Variants in CDH18 observed in about 807,000 individuals in gnomAD.
The protein encoded by CDH18 is cadherin 18.
Under a neutral mutation model 67.9 loss-of-function variants are expected in CDH18, and 31 were observed. The ratio of observed to expected loss-of-function variants is 0.46; its 90% CI spans 0.34 to 0.62. The LOEUF is 0.62. CDH18 is among the 20% of genes least tolerant of loss of function. The pLI is 0.01. For missense variants in CDH18, 890 were observed against 975.5 expected, an observed-to-expected ratio of 0.91 and a Z score of 1.17; for synonymous variants, 362 against 347.2, an observed-to-expected ratio of 1.04 and a Z score of -0.48.
At chr5:19,688,541 G>A (rs149179530) in intron 5 of CDH18, among the ~76,000 whole-genome samples, 1 of 152,192 alleles carries the variant, frequency 6.6e-6, no homozygotes, top group African/African-American at 2.4e-5. Context: ...TTATAAAAAA[G>A]TCTTCCTCTA....
rs138729794 is a variant in CDH18, at chr5:20,553,298, G to A, written c.-580+22164C>T. The stretch of plus-strand genomic sequence containing the variant: ...TAATATTTATTATTTTTGGTGCTAC[G>A]TAGTCTTTCTTAACATCATAATTGT... On this transcript the variant is annotated intron_variant, in intron 1 of 14. Coordinates refer to the CDH18 transcript ENST00000507958. Among the ~76,000 whole-genome samples, 165 of 152,078 alleles carry A rather than the reference G, an allele frequency of 1.1e-3. 1 individual carries two copies. The highest frequency in any genetic ancestry group is 2.8e-3 in the African/African-American group (118 of 41,504).
At chr5:20,375,435 A>T (rs1479436669) in intron 1 of CDH18, among the ~76,000 whole-genome samples, 1 of 152,170 alleles carries the variant, frequency 6.6e-6, no homozygotes, top group Non-Finnish European at 1.5e-5. Flanking sequence ...ACTCTCTTAA[A>T]CAAGTATCAC....
intron 1 of CDH18, among the ~76,000 whole-genome samples, chr5:20,532,228 G>A (rs946178844): frequency 6.6e-6 from 1 of 152,060 alleles, no homozygotes; most frequent in Non-Finnish European, 1.5e-5. Flanking sequence ...TATCCAAAAT[G>A]TGTGTATTTC....
chr5:19,943,198 T>C (rs1027790985), intron 2 of CDH18, among the ~76,000 whole-genome samples: 1 of 152,038 alleles, frequency 6.6e-6, no homozygotes, highest in Non-Finnish European at 1.5e-5. Context: ...TTGTTGTTGT[T>C]TGGGGGGGTA....
At chr5:19,756,865 T>C (rs977911385) in intron 3 of CDH18, among the ~76,000 whole-genome samples, 2 of 152,226 alleles carry the variant, frequency 1.3e-5, no homozygotes, top group African/African-American at 4.8e-5. Flanking sequence ...CTTATGCTTC[T>C]ATTCCTTGAT....
At chr5:20,383,810 A>G (rs72745074) in intron 1 of CDH18, among the ~76,000 whole-genome samples, 23,731 of 152,106 alleles carry the variant, frequency 0.16, 2,358 homozygotes, top group East Asian at 0.3. Context: ...TAATACGAAA[A>G]TGTATAACTA....
In CDH18 at chr5:19,747,982, G is replaced by A. The variant is rs372701190; in HGVS notation, c.229-746C>T. Among the ~76,000 whole-genome samples, 209 of 150,106 alleles carry A rather than the reference G, an allele frequency of 1.4e-3. 1 individual carries two copies. Among genetic ancestry groups the A allele is most frequent in the Admixed American group, 5.0e-3 (75 of 15,092 alleles). On this transcript the variant is annotated intron_variant, in intron 3 of 12. Coordinates refer to ENST00000382275, the MANE Select transcript of CDH18 (RefSeq NM_004934.5). The stretch of plus-strand genomic sequence containing the variant: ...AAAAAAACTAGCCGGGCGTGGTGGC[G>A]GGCGCCTGTAGTCCCAGCTACTCGG...
intron 2 of CDH18, among the ~76,000 whole-genome samples, chr5:20,221,480 G>T (rs1273546898): frequency 6.6e-6 from 1 of 152,056 alleles, no homozygotes; most frequent in Non-Finnish European, 1.5e-5. Context: ...TGTAGCGCGG[G>T]GTTGGGGGAG....
intron 2 of CDH18, among the ~76,000 whole-genome samples, chr5:20,169,306 C>CA (rs1449854234): frequency 6.6e-6 from 1 of 151,964 alleles, no homozygotes; most frequent in Non-Finnish European, 1.5e-5. Context: ...TAAAAAATAA[C>CA]AGACACCACT....
Position 19,473,108 on chromosome 5 carries a change from G to A in CDH18, c.*118C>T. On this transcript the variant is annotated 3_prime_UTR_variant, in exon 13 of 13. Coordinates refer to ENST00000382275, the MANE Select transcript of CDH18 (RefSeq NM_004934.5). The stretch of plus-strand genomic sequence containing the variant: ...GAAAAGGGCACTTGTTTCTACAGGA[G>A]CTGTGTCCAGCTTCCTCAGTTCCAA... 1 of 1,207,232 alleles carries A rather than the reference G, an allele frequency of 8.3e-7. No homozygotes were observed. 74.8% of individuals were successfully genotyped at this position (1,207,232 alleles called of 1,614,324 possible). A position where few individuals can be genotyped will look rare whatever the true frequency, so the allele number is the denominator to read the frequency against.
At chr5:19,782,030 G>C (rs1775169636) in intron 3 of CDH18, among the ~76,000 whole-genome samples, 1 of 152,008 alleles carries the variant, frequency 6.6e-6, no homozygotes, top group Non-Finnish European at 1.5e-5. Flanking sequence ...ACTAACATGG[G>C]ATATAATAGG....
At chr5:19,924,599 C>A (rs1792889980) in intron 2 of CDH18, among the ~76,000 whole-genome samples, 1 of 152,130 alleles carries the variant, frequency 6.6e-6, no homozygotes, top group African/African-American at 2.4e-5. Context: ...GCACTCCAGC[C>A]TGGGCGAAAG....
chr5:19,830,657 C>G (rs917214758), intron 3 of CDH18, among the ~76,000 whole-genome samples: 3 of 152,024 alleles, frequency 2.0e-5, no homozygotes, highest in African/African-American at 7.2e-5. Flanking sequence ...AGGAGAGGTA[C>G]CATTTCACCC....
intron 1 of CDH18, among the ~76,000 whole-genome samples, chr5:20,329,627 G>A (rs769176930): frequency 5.9e-5 from 9 of 151,856 alleles, no homozygotes; most frequent in South Asian, 2.1e-4. Flanking sequence ...AAAATTAGCC[G>A]GACGTGGTGG....
intron 3 of CDH18, among the ~76,000 whole-genome samples, chr5:19,783,447 C>G (rs2149788710): frequency 6.6e-6 from 1 of 152,206 alleles, no homozygotes; most frequent in South Asian, 2.1e-4. Flanking sequence ...TTTCTGCTTT[C>G]AAACATCAAA....
chr5:19,670,817 T>C (rs1404066728), intron 5 of CDH18, among the ~76,000 whole-genome samples: 1 of 151,866 alleles, frequency 6.6e-6, no homozygotes, highest in Non-Finnish European at 1.5e-5. Context: ...TAAAGAAGAG[T>C]TGACAGACTC....
chr5:20,192,065 A>G (rs1738585271), intron 2 of CDH18, among the ~76,000 whole-genome samples: 2 of 151,944 alleles, frequency 1.3e-5, no homozygotes, highest in African/African-American at 4.8e-5. Context: ...TTGGCGTGAG[A>G]TGGTATCTCA....
intron 5 of CDH18, among the ~76,000 whole-genome samples, chr5:19,655,264 CATG>C (rs1756185357): frequency 6.6e-6 from 1 of 152,012 alleles, no homozygotes; most frequent in African/African-American, 2.4e-5. Flanking sequence ...ACACACATTC[CATG>C]ATGATAAGAT....
At chr5:19,804,128 A>G (rs1311200789) in intron 3 of CDH18, 1 of 149,530 alleles carries the variant, frequency 6.7e-6, no homozygotes, top group African/African-American at 2.5e-5. Context: ...CTCAAAAAAA[A>G]AAAAAAAAGA....
Sources: allele counts gnomAD v4.1 joint callset (sites outside exome capture counted in the v4.1 genomes callset), GRCh38; gene constraint gnomAD v4.1.1; transcripts MANE v1.5; gene names NCBI Gene and HGNC (gene_info 2026-07-23, HGNC 2026-07-21).